The following GABBR2 variants were observed in gnomAD, a reference collection of about 807,000 sequenced individuals.
GABBR2 encodes gamma-aminobutyric acid type B receptor subunit 2.
GABBR2 carries 23 observed loss-of-function variants against 105.6 expected under a neutral mutation model. The observed-to-expected ratio is 0.22, with a 90% CI of 0.16 to 0.31. The LOEUF (loss-of-function observed/expected upper bound fraction) is 0.31. GABBR2 is among the 10% of genes least tolerant of loss of function. The pLI, the probability that GABBR2 is intolerant of heterozygous loss-of-function variation, is 1.00. For missense variants in GABBR2, 734 were observed against 1,245.5 expected (o/e 0.59, Z 6.18); for synonymous variants, 478 against 499.7 (o/e 0.96, Z 0.58).
At chr9:98,495,759 G>A (rs1827265251) in intron 4 of GABBR2, among the ~76,000 whole-genome samples, 1 of 152,152 alleles carries the variant, frequency 6.6e-6, no homozygotes, top group Non-Finnish European at 1.5e-5. Flanking sequence ...CCCCAGGTGG[G>A]ATGAGTCACT....
At chr9:98,330,287 C>T (rs1056023626) in intron 13 of GABBR2, among the ~76,000 whole-genome samples, 9 of 152,088 alleles carry the variant, frequency 5.9e-5, no homozygotes, top group African/African-American at 1.7e-4. Flanking sequence ...CTATGTTGTC[C>T]AAGAAACCCT....
Position 98,684,172 on chromosome 9 carries a change from A to T in GABBR2, c.321+24245T>A, listed in dbSNP as rs1046083611. On this transcript the variant is annotated intron_variant, in intron 1 of 18. Transcript: ENST00000259455. ...AGAAGAATGCATTTTACCACGGTAA[A>T]AAAAAAAAAAAAAAAAAAAAAAATT... Among the ~76,000 whole-genome samples the T allele has an allele frequency of 4.0e-4, 57 of 143,054 alleles. 2 individuals carry two copies. Among genetic ancestry groups the T allele is most frequent in the South Asian group, 2.9e-3 (13 of 4,438 alleles). 93.8% of individuals were successfully genotyped at this position (143,054 alleles called of 152,430 possible). A position where few individuals can be genotyped will look rare whatever the true frequency, so the allele number is the denominator to read the frequency against.
intron 1 of GABBR2, among the ~76,000 whole-genome samples, chr9:98,609,404 C>T (rs745873078): frequency 1.3e-5 from 2 of 152,202 alleles, no homozygotes; most frequent in South Asian, 4.1e-4. Flanking sequence ...TCTCGCACCT[C>T]GAATGCCCTT....
intron 6 of GABBR2, among the ~76,000 whole-genome samples, chr9:98,471,070 C>A (rs1826663364): frequency 6.6e-6 from 1 of 152,182 alleles, no homozygotes; most frequent in African/African-American, 2.4e-5. Flanking sequence ...ACTGGAAGAT[C>A]TGAGAATCTG....
chr9:98,554,275 C>G (rs375510784), intron 2 of GABBR2, among the ~76,000 whole-genome samples: 1 of 151,776 alleles, frequency 6.6e-6, no homozygotes, highest in Non-Finnish European at 1.5e-5. Flanking sequence ...GTAAGAGGAC[C>G]GCTTGAGCCT....
In GABBR2 at chr9:98,394,178, G is replaced by T; in HGVS notation, c.1375C>A (p.Gln459Lys). ...LEIINDTIRF[Q>K]GSEPPKDKTI... ...CTGAGAAGCCCACCTGCCTTACCTT[G>T]GAACCTGATGGTGTCATTGATGATC... Residue 459 changes from glutamine (Q) to lysine (K), a missense_variant, in exon 9 of 19, where the codon CAA (glutamine) becomes AAA (lysine). Gln to Lys is a moderately conservative substitution (Grantham distance 53, BLOSUM62 1). Transcript: ENST00000259455. 6.2e-7 allele frequency: 1 copy of T among 1,611,556 alleles called. No homozygotes were observed. Among genetic ancestry groups the T allele is most frequent in the Non-Finnish European group, 8.5e-7 (1 of 1,177,738 alleles).
At chr9:98,493,667 C>G (rs1453516597) in intron 4 of GABBR2, among the ~76,000 whole-genome samples, 1 of 152,212 alleles carries the variant, frequency 6.6e-6, no homozygotes, top group Non-Finnish European at 1.5e-5. Flanking sequence ...ACCTCCTTCT[C>G]CATCTTATCC....
intron 1 of GABBR2, among the ~76,000 whole-genome samples, chr9:98,705,856 C>T (rs1830885293): frequency 6.6e-6 from 1 of 152,162 alleles, no homozygotes; most frequent in Admixed American, 6.5e-5. Flanking sequence ...GTGGGCAGAT[C>T]ACCTGAGGTC....
At chr9:98,668,169 C>T (rs1830360874) in intron 1 of GABBR2, among the ~76,000 whole-genome samples, 1 of 152,214 alleles carries the variant, frequency 6.6e-6, no homozygotes, top group Admixed American at 6.5e-5. Context: ...TGGCCACAGT[C>T]GACTTTCCCA....
chr9:98,678,164 A>G (rs1830498708), intron 1 of GABBR2, among the ~76,000 whole-genome samples: 1 of 152,226 alleles, frequency 6.6e-6, no homozygotes, highest in Non-Finnish European at 1.5e-5. Flanking sequence ...TTACCAATAC[A>G]TGGAAATCCA....
At chr9:98,364,139 G>A (rs897565073) in intron 12 of GABBR2, among the ~76,000 whole-genome samples, 1 of 152,190 alleles carries the variant, frequency 6.6e-6, no homozygotes, top group African/African-American at 2.4e-5. Flanking sequence ...CTGTACCTGG[G>A]GGCAGGGCAC....
intron 1 of GABBR2, among the ~76,000 whole-genome samples, chr9:98,689,733 C>G (rs140979994): frequency 1.3e-5 from 2 of 152,190 alleles, no homozygotes; most frequent in African/African-American, 4.8e-5. Flanking sequence ...TTCTTCCTAA[C>G]GCTATTATGT....
chr9:98,511,012 A>T (rs1421365628), intron 3 of GABBR2, among the ~76,000 whole-genome samples: 3 of 152,022 alleles, frequency 2.0e-5, no homozygotes, highest in East Asian at 3.9e-4. Flanking sequence ...GAAGTAAAGC[A>T]CTCCTCAGCA....
intron 13 of GABBR2, among the ~76,000 whole-genome samples, chr9:98,318,891 T>TTGTGTGTGTG (rs111952099): frequency 6.7e-5 from 10 of 148,288 alleles, no homozygotes; most frequent in African/African-American, 2.5e-4. Context: ...AAATGTGAGT[T>TTGTGTGTGTG]TGTGTGTGTG....
At chr9:98,335,392 T>C (rs2131397350) in intron 13 of GABBR2, among the ~76,000 whole-genome samples, 1 of 152,314 alleles carries the variant, frequency 6.6e-6, no homozygotes, top group South Asian at 2.1e-4. Flanking sequence ...TAAAAATTTA[T>C]TGTCCTGAGT....
intron 2 of GABBR2, among the ~76,000 whole-genome samples, chr9:98,552,903 G>T (rs1422101850): frequency 6.6e-6 from 1 of 151,944 alleles, no homozygotes. Context: ...TAGAGACAGG[G>T]TCTCACTCTG....
intron 1 of GABBR2, among the ~76,000 whole-genome samples, chr9:98,656,545 TA>T: frequency 6.6e-6 from 1 of 152,230 alleles, no homozygotes; most frequent in Middle Eastern, 3.2e-3. Flanking sequence ...AACCTTCCTA[TA>T]ATCTTACCAG....
intron 1 of GABBR2, among the ~76,000 whole-genome samples, chr9:98,581,701 A>G (rs938026380): frequency 7.2e-5 from 11 of 151,952 alleles, no homozygotes; most frequent in African/African-American, 2.7e-4. Context: ...ATCTACCATG[A>G]TTTACTGAAT....
At chr9:98,447,531 GTATGTA>G (rs1826154530) in intron 7 of GABBR2, among the ~76,000 whole-genome samples, 1 of 89,362 alleles carries the variant, frequency 1.1e-5, no homozygotes, top group South Asian at 6.0e-4. Flanking sequence ...TATGTAACTA[GTATGTA>G]TGTGTGTGTG....
Sources: gnomAD v4.1 joint callset for allele counts (sites outside exome capture counted in the v4.1 genomes callset) on GRCh38, gnomAD v4.1.1 for gene constraint, MANE v1.5 for transcripts, NCBI Gene and HGNC (gene_info 2026-07-23, HGNC 2026-07-21) for gene names.